Variants in SMARCA2 observed in about 807,000 individuals in gnomAD.
SMARCA2 encodes SWI/SNF-related matrix-associated actin-dependent regulator of chromatin subfamily A member 2.
A neutral mutation model predicts 199.8 loss-of-function variants in SMARCA2; 61 were observed. The observed-to-expected ratio is 0.31, with a 90% CI of 0.25 to 0.38. The LOEUF is 0.38. Ranked by LOEUF, SMARCA2 falls within the 10% of genes least tolerant of loss-of-function variation. The probability of loss-of-function intolerance (pLI) is 1.00; values close to 1 mark genes in which losing one functional copy is unlikely to be tolerated. For synonymous variants in SMARCA2, 935 were observed against 732.0 expected (o/e 1.28, Z -4.48); for missense variants, 1,344 against 2,012.2 (o/e 0.67, Z 6.35).
intron 31 of SMARCA2, among the ~76,000 whole-genome samples, chr9:2,183,575 T>C (rs935227042): frequency 6.6e-5 from 10 of 152,208 alleles, no homozygotes; most frequent in Non-Finnish European, 1.3e-4. Context: ...ACCTTTAAAT[T>C]CCTTAAGCCT....
chr9:2,066,695 A>G (rs1263300898), intron 9 of SMARCA2, among the ~76,000 whole-genome samples: 1 of 152,196 alleles, frequency 6.6e-6, no homozygotes, highest in Admixed American at 6.5e-5. Flanking sequence ...TTTGTTTTCA[A>G]TCAATGGAAA....
In SMARCA2 at chr9:2,056,896, T is replaced by C; in HGVS notation, c.1347+51T>C. The C allele has an allele frequency of 2.6e-6, 4 of 1,548,206 alleles. No homozygotes were observed. Among genetic ancestry groups the C allele is most frequent in the Non-Finnish European group, 3.5e-6 (4 of 1,134,246 alleles). The stretch of plus-strand genomic sequence containing the variant: ...CCCTCACTTTGGCAGAGCTGTCCAA[T>C]GAATTCATCAAATGGGGTCAGAATG... On this transcript the variant is annotated intron_variant, in intron 7 of 33. Coordinates refer to ENST00000349721, the MANE Select transcript of SMARCA2 (RefSeq NM_003070.5). The surrounding 1 kb of genome is among the most constrained non-coding windows in gnomAD (Gnocchi z 4.0).
chr9:2,161,754 A>G lies in SMARCA2; in HGVS notation c.4050A>G (p.Arg1350=). The G allele has an allele frequency of 6.2e-7, 1 of 1,614,122 alleles. No individual in the cohort carries two copies. Among genetic ancestry groups the G allele is most frequent in the Non-Finnish European group, 8.5e-7 (1 of 1,179,982 alleles). ...EVRLKKRKRR[R]NVDKDPAKED... ...GGCTTAAGAAGCGAAAAAGACGAAG[A>G]AATGTGGATAAAGATCCTGCAAAAG... The change falls in exon 28 of 34, where the codon AGA becomes AGG. Residue 1350 remains arginine, a synonymous_variant. Transcript: ENST00000349721. The surrounding 1 kb of genome is among the most constrained non-coding windows in gnomAD (Gnocchi z 4.7).
At chr9:2,085,205 G>C (rs1451970755) in intron 17 of SMARCA2, among the ~76,000 whole-genome samples, 1 of 152,158 alleles carries the variant, frequency 6.6e-6, no homozygotes, top group Non-Finnish European at 1.5e-5. Context: ...CTCACACTCA[G>C]AGATGAATTT....
intron 27 of SMARCA2, among the ~76,000 whole-genome samples, chr9:2,147,150 C>G (rs1824795702): frequency 6.7e-6 from 1 of 149,478 alleles, no homozygotes; most frequent in Non-Finnish European, 1.5e-5. Flanking sequence ...TGTTTAAGAT[C>G]TGAGCAATAG....
chr9:2,090,178 C>T (rs1366721306), intron 19 of SMARCA2, among the ~76,000 whole-genome samples: 1 of 152,134 alleles, frequency 6.6e-6, no homozygotes, highest in Non-Finnish European at 1.5e-5. Flanking sequence ...GTTCTTTCTA[C>T]AAGAGAAGTT....
intron 8 of SMARCA2, 149 bp downstream of exon 8, chr9:2,058,613 TA>T: frequency 1.5e-6 from 1 of 675,232 alleles, no homozygotes; most frequent in Non-Finnish European, 2.5e-6. Flanking sequence ...GGAGATGAAG[TA>T]AAAACTTTTT....
In SMARCA2 at chr9:2,161,919, C is replaced by T. The variant is rs185935802; in HGVS notation, c.4199+16C>T. 1 of 1,599,978 alleles carries T rather than the reference C, an allele frequency of 6.3e-7. No individual in the cohort carries two copies. The highest frequency in any genetic ancestry group is 8.6e-7 in the Non-Finnish European group (1 of 1,167,980). ...ACAAAGATAGGTGAGTGTTTGGTTC[C>T]TTCACCTTGATCATCTCTCACCAAG... On this transcript the variant is annotated intron_variant, in intron 28 of 33. Transcript: ENST00000349721. This position sits in a 1 kb window ranked among gnomAD's most constrained non-coding sequence, Gnocchi z 4.7.
chr9:2,061,870 G>A lies in SMARCA2; in HGVS notation c.1692+884G>A, dbSNP rs552728982. Among the ~76,000 whole-genome samples the A allele has an allele frequency of 3.9e-5, 6 of 152,338 alleles. No individual in the cohort carries two copies. In the South Asian group the frequency reaches 8.3e-4, roughly 21 times the overall value. On this transcript the variant is annotated intron_variant, in intron 9 of 33. Transcript: ENST00000349721. ...TCATACCTGTCTCATAATTAAGGAG[G>A]AGGAATAAATGATTAAGAAGGCACC...
intron 19 of SMARCA2, among the ~76,000 whole-genome samples, chr9:2,091,648 T>G (rs1417086911): frequency 6.6e-6 from 1 of 152,226 alleles, no homozygotes; most frequent in Non-Finnish European, 1.5e-5. Flanking sequence ...GAATGGTCAG[T>G]GTATACATAG....
At chr9:2,095,118 C>T (rs1822216880) in intron 19 of SMARCA2, among the ~76,000 whole-genome samples, 1 of 149,254 alleles carries the variant, frequency 6.7e-6, no homozygotes, top group South Asian at 2.1e-4. Context: ...CAGAGTCTTG[C>T]TCCGTCACCC....
Position 2,039,754 on chromosome 9 carries a change from T to TGCAGCAACAACA in SMARCA2, c.651_662dup (p.Gln235_Gln238dup). 1 of 1,613,122 alleles carries TGCAGCAACAACA rather than the reference T, an allele frequency of 6.2e-7. No individual in the cohort carries two copies. The stretch of plus-strand genomic sequence containing the variant: ...CAGGGGAAAAGGACGTTGCCTGGCT[T>TGCAGCAACAACA]GCAGCAACAACAGCAGCAGCAACAG... On this transcript the variant is annotated inframe_insertion, in exon 4 of 34. Transcript: ENST00000349721. The surrounding 1 kb of genome is among the most constrained non-coding windows in gnomAD (Gnocchi z 4.8).
intron 9 of SMARCA2, among the ~76,000 whole-genome samples, chr9:2,062,693 G>A (rs999295345): frequency 1.3e-5 from 2 of 152,110 alleles, no homozygotes; most frequent in Middle Eastern, 3.2e-3. Flanking sequence ...CTCAACATGT[G>A]TTAACTGAAC....
intron 24 of SMARCA2, among the ~76,000 whole-genome samples, chr9:2,114,610 C>A (rs1202095456): frequency 2.6e-5 from 4 of 152,132 alleles, no homozygotes; most frequent in Non-Finnish European, 5.9e-5. Context: ...TCACCTGGAC[C>A]ACAATGAATA....
At position 2,155,937 on chromosome 9, in the gene SMARCA2, CAG is replaced by C. The variant is rs538146778; in HGVS notation, c.3982-5746_3982-5745del. On this transcript the variant is annotated intron_variant, in intron 27 of 33. Coordinates refer to ENST00000349721, the MANE Select transcript of SMARCA2 (RefSeq NM_003070.5). Reference sequence around the variant, plus strand: ...GTTGCCTGACGAATGAAATACGAAACAGAGTCTGTTGAGTTAATGTCATCAGT... The same window carrying C: ...GTTGCCTGACGAATGAAATACGAAACAGTCTGTTGAGTTAATGTCATCAGT... Among the ~76,000 whole-genome samples, 151 of 151,960 alleles carry C rather than the reference CAG, an allele frequency of 9.9e-4. 1 individual carries two copies. The highest frequency in any genetic ancestry group is 1.7e-3 in the South Asian group (8 of 4,818).
intron 32 of SMARCA2, among the ~76,000 whole-genome samples, chr9:2,189,033 T>C (rs781207822): frequency 7.9e-5 from 12 of 152,150 alleles, no homozygotes; most frequent in Non-Finnish European, 1.6e-4. Flanking sequence ...CTCTTCCACG[T>C]TTAAGGATGC....
intron 5 of SMARCA2, among the ~76,000 whole-genome samples, chr9:2,050,895 C>A (rs1232088291): frequency 6.6e-6 from 1 of 152,146 alleles, no homozygotes; most frequent in African/African-American, 2.4e-5. Flanking sequence ...GAACAGTAAC[C>A]CCTCGTGATT....
At position 2,170,610 on chromosome 9, in the gene SMARCA2, T is replaced by G; in HGVS notation, c.4253+138T>G. On this transcript the variant is annotated intron_variant, in intron 29 of 33. Transcript: ENST00000349721. This position sits in a 1 kb window ranked among gnomAD's most constrained non-coding sequence, Gnocchi z 4.7. ...GATCACCCCTACTTGGAGAGCGGGA[T>G]AGAGGCACAGATACTCTTAAACAGC... 2.2e-6 allele frequency: 3 copies of G among 1,387,504 alleles called. No homozygotes were observed. Among genetic ancestry groups the G allele is most frequent in the Non-Finnish European group, 3.0e-6 (3 of 1,004,212 alleles). The allele number at this position is 1,387,504 out of a possible 1,614,324, so 85.9% of individuals were successfully genotyped here. A position where few individuals can be genotyped will look rare whatever the true frequency, so the allele number is the denominator to read the frequency against.
Position 2,191,296 on chromosome 9 carries a change from A to G in SMARCA2, c.4625A>G (p.Asn1542Ser), listed in dbSNP as rs1827863904. 1 of 1,614,216 alleles carries G rather than the reference A, an allele frequency of 6.2e-7. No individual in the cohort carries two copies. The highest frequency in any genetic ancestry group is 8.5e-7 in the Non-Finnish European group (1 of 1,180,016). Residue 1542 changes from asparagine (N) to serine (S), a missense_variant, in exon 33 of 34, where the codon AAT (asparagine) becomes AGT (serine). Physicochemically the swap from Asn to Ser is conservative, Grantham distance 46. This residue lies in a region of SMARCA2 where 155 missense variants were observed against 121.1 expected (regional missense o/e 1.28). Coordinates refer to ENST00000349721, the MANE Select transcript of SMARCA2 (RefSeq NM_003070.5). The stretch of plus-strand genomic sequence containing the variant: ...TCAGTCAAGGTGAAAATTAAGCTCA[A>G]TAAAAAAGATGACAAAGGCCGGGAC... Reference protein sequence around the residue: ...AKSVKVKIKLNKKDDKGRDKG... With the variant: ...AKSVKVKIKLSKKDDKGRDKG...
Sources: allele counts gnomAD v4.1 joint callset (sites outside exome capture counted in the v4.1 genomes callset), GRCh38; gene constraint gnomAD v4.1.1; regional missense constraint gnomAD v4.1.1; non-coding constraint Gnocchi (gnomAD v3.1); transcripts MANE v1.5; gene names NCBI Gene and HGNC (gene_info 2026-07-23, HGNC 2026-07-21).